TAF1B: variants seen among roughly 807,000 people sequenced by gnomAD.
TAF1B encodes TATA-box binding protein associated factor, RNA polymerase I subunit B, also known as TATA box-binding protein-associated factor RNA polymerase I subunit B.
TAF1B carries 61 observed loss-of-function variants against 83.9 expected under a neutral mutation model. That is an observed-to-expected ratio of 0.73 (90% CI 0.59 to 0.90). The LOEUF (loss-of-function observed/expected upper bound fraction) is 0.90. Ranked by LOEUF, TAF1B falls within the 40% of genes least tolerant of loss-of-function variation. The probability of loss-of-function intolerance (pLI) is 0.00; values close to 1 mark genes in which losing one functional copy is unlikely to be tolerated. For synonymous variants in TAF1B, 221 were observed against 224.6 expected (o/e 0.98, Z 0.14); for missense variants, 625 against 677.0 (o/e 0.92, Z 0.85).
intron 5 of TAF1B, among the ~76,000 whole-genome samples, chr2:9,862,600 AAAG>A (rs1329690093): frequency 1.3e-5 from 2 of 152,290 alleles, no homozygotes; most frequent in East Asian, 3.9e-4. Flanking sequence ...AGAATGCCAC[AAAG>A]ATACTCCTCG....
chr2:9,845,914 C>G, intron 2 of TAF1B: 1 of 331,338 alleles, frequency 3.0e-6, no homozygotes, highest in Non-Finnish European at 6.0e-6. Context: ...ACCCAGGAGG[C>G]GGAGGTTGCA....
At position 9,914,974 on chromosome 2, in the gene TAF1B, A is replaced by G. The variant is rs1348534098; in HGVS notation, c.1271+1725A>G. ...TCTGAATATTATCATCCATGTTGTC[A>G]GATGAAAATTATTAAAACATTTTCT... On this transcript the variant is annotated intron_variant, in intron 12 of 14. Coordinates refer to ENST00000263663, the MANE Select transcript of TAF1B (RefSeq NM_005680.3). This position sits in a 1 kb window ranked among gnomAD's most constrained non-coding sequence, Gnocchi z 4.3. Among the ~76,000 whole-genome samples the G allele has an allele frequency of 6.6e-6, 1 of 152,238 alleles. No homozygotes were observed. Among genetic ancestry groups the G allele is most frequent in the African/African-American group, 2.4e-5 (1 of 41,470 alleles).
At chr2:9,895,883 G>T (rs1432982537) in intron 8 of TAF1B, among the ~76,000 whole-genome samples, 1 of 145,216 alleles carries the variant, frequency 6.9e-6, no homozygotes, top group Non-Finnish European at 1.5e-5. Flanking sequence ...TTGTAATCAG[G>T]TTTATCACAG....
At chr2:9,909,721 A>G (rs1259846755) in intron 9 of TAF1B, among the ~76,000 whole-genome samples, 1 of 152,188 alleles carries the variant, frequency 6.6e-6, no homozygotes, top group East Asian at 1.9e-4. Flanking sequence ...CCTTAGGTAT[A>G]TTCATTAATT....
intron 5 of TAF1B, among the ~76,000 whole-genome samples, chr2:9,861,458 C>G (rs1271050027): frequency 6.6e-6 from 1 of 152,288 alleles, no homozygotes; most frequent in African/African-American, 2.4e-5. Context: ...GAAGCTCGAA[C>G]TGGGTGGAAC....
chr2:9,848,099 C>T (rs746421560), intron 2 of TAF1B, among the ~76,000 whole-genome samples: 3 of 152,000 alleles, frequency 2.0e-5, no homozygotes, highest in African/African-American at 4.8e-5. Context: ...TCCTGGCTAC[C>T]CTTTGCAAGT....
chr2:9,849,303 A>G lies in TAF1B; in HGVS notation c.118-70A>G. 2.4e-6 allele frequency: 3 copies of G among 1,240,410 alleles called. No individual in the cohort carries two copies. The South Asian group carries it at 4.5e-5, about 18-fold the overall frequency. 76.8% of individuals were successfully genotyped at this position (1,240,410 alleles called of 1,614,324 possible). On this transcript the variant is annotated intron_variant, in intron 2 of 14. Transcript: ENST00000263663. ...AATTTGGTTTATTATACTTTCCAGA[A>G]AATACCTGGAAAAATGCTTAGGGGG...
chr2:9,862,001 CAG>C (rs1663784149), intron 5 of TAF1B, among the ~76,000 whole-genome samples: 1 of 152,094 alleles, frequency 6.6e-6, no homozygotes, highest in East Asian at 1.9e-4. Flanking sequence ...GGAGAAAAAA[CAG>C]AGCAGAAAAA....
intron 8 of TAF1B, among the ~76,000 whole-genome samples, chr2:9,893,568 G>T (rs143996670): frequency 6.6e-5 from 10 of 152,280 alleles, no homozygotes. Context: ...TCGCCCTGTA[G>T]TCTCAGCTAC....
In TAF1B at chr2:9,849,436, G is replaced by A; in HGVS notation, c.181G>A (p.Gly61Arg). 6.3e-7 allele frequency: 1 copy of A among 1,577,482 alleles called. No individual in the cohort carries two copies. Among genetic ancestry groups the A allele is most frequent in the East Asian group, 2.3e-5 (1 of 44,328 alleles). Reference protein sequence around the residue: ...PNTQIKALNRGLKKKNNTEKG... With the variant: ...PNTQIKALNRRLKKKNNTEKG... ...TACCCAAATAAAAGCCCTCAACCGG[G>A]GGCTTAAAAAAAAAAACAATACTGG... The change falls in exon 3 of 15, where the codon GGG becomes AGG. Residue 61 changes from glycine to arginine, a missense_variant. By Grantham distance (125) the Gly-to-Arg change is moderately radical (BLOSUM62 -2). Coordinates refer to ENST00000263663, the MANE Select transcript of TAF1B (RefSeq NM_005680.3).
At chr2:9,867,914 C>T (rs906679629) in intron 5 of TAF1B, among the ~76,000 whole-genome samples, 2 of 152,088 alleles carry the variant, frequency 1.3e-5, no homozygotes, top group Non-Finnish European at 2.9e-5. Context: ...AGATACAAAG[C>T]AAAAATTCCC....
chr2:9,845,526 G>A, intron 2 of TAF1B: 1 of 459,608 alleles, frequency 2.2e-6, no homozygotes, highest in Non-Finnish European at 4.0e-6. Context: ...AATTATGTTG[G>A]GCCACATTTA....
chr2:9,926,351 G>T (rs1364254854), intron 14 of TAF1B, among the ~76,000 whole-genome samples: 1 of 152,094 alleles, frequency 6.6e-6, no homozygotes, highest in Non-Finnish European at 1.5e-5. Flanking sequence ...GCTCATAAGT[G>T]TTTCAGTTCT....
intron 4 of TAF1B, among the ~76,000 whole-genome samples, chr2:9,852,794 C>T (rs1397607335): frequency 1.3e-5 from 2 of 152,108 alleles, no homozygotes; most frequent in Non-Finnish European, 2.9e-5. Context: ...ACCTGGCCCT[C>T]ATAAGTGATA....
At chr2:9,868,569 A>G in intron 6 of TAF1B, 140 bp downstream of exon 6, 1 of 1,180,900 alleles carries the variant, frequency 8.5e-7, no homozygotes, top group Non-Finnish European at 1.2e-6. Flanking sequence ...TGACTTGCTG[A>G]ATCATATGGC....
Position 9,858,509 on chromosome 2 carries a change from C to T in TAF1B, c.399+4088C>T, listed in dbSNP as rs1057114000. Among the ~76,000 whole-genome samples, 6 of 152,240 alleles carry T rather than the reference C, an allele frequency of 3.9e-5. No homozygotes were observed. In the East Asian group the frequency reaches 1.2e-3, roughly 29 times the overall value. On this transcript the variant is annotated intron_variant, in intron 5 of 14. Coordinates refer to ENST00000263663, the MANE Select transcript of TAF1B (RefSeq NM_005680.3). The stretch of plus-strand genomic sequence containing the variant: ...TCTCACAGCTCCACTAGGCAGTGCT[C>T]CAGTGGGAATCTGTTGGGGCTCCAA...
intron 2 of TAF1B, among the ~76,000 whole-genome samples, chr2:9,846,940 T>A (rs973013311): frequency 6.6e-6 from 1 of 152,220 alleles, no homozygotes; most frequent in Non-Finnish European, 1.5e-5. Context: ...TTACTCACTG[T>A]TGCTTTTGTA....
At chr2:9,875,824 T>G (rs2125150995) in intron 6 of TAF1B, 41 bp from the exon 7 acceptor site, 1 of 1,534,260 alleles carries the variant, frequency 6.5e-7, no homozygotes, top group South Asian at 1.3e-5. Flanking sequence ...GTTATCCAAA[T>G]AGTTCACTGG....
At chr2:9,858,715 C>G (rs112421882) in intron 5 of TAF1B, among the ~76,000 whole-genome samples, 9,218 of 152,342 alleles carry the variant, frequency 0.061, 347 homozygotes, top group East Asian at 0.17. Context: ...GTGGAAGCTG[C>G]CAAAGCTTGG....
Sources: gnomAD v4.1 joint callset for allele counts (sites outside exome capture counted in the v4.1 genomes callset) on GRCh38, gnomAD v4.1.1 for gene constraint, Gnocchi (gnomAD v3.1) non-coding constraint, MANE v1.5 for transcripts, NCBI Gene and HGNC (gene_info 2026-07-23, HGNC 2026-07-21) for gene names.